Variants in ATP8A2 observed in about 807,000 individuals in gnomAD.
ATP8A2 encodes phospholipid-transporting ATPase IB.
ATP8A2 carries 100 observed loss-of-function variants against 165.6 expected under a neutral mutation model. The ratio of observed to expected loss-of-function variants is 0.60; its 90% CI spans 0.51 to 0.71. The LOEUF (loss-of-function observed/expected upper bound fraction) is 0.71, where lower values mean the gene tolerates loss of function less well. Ranked by LOEUF, ATP8A2 falls within the 30% of genes least tolerant of loss-of-function variation. ATP8A2 has a pLI of 0.00. For missense variants in ATP8A2, 1,227 were observed against 1,479.5 expected, an observed-to-expected ratio of 0.83 and a Z score of 2.80; for synonymous variants, 543 against 548.8, an observed-to-expected ratio of 0.99 and a Z score of 0.15.
At chr13:25,948,160 T>A (rs1955261176) in intron 33 of ATP8A2, among the ~76,000 whole-genome samples, 1 of 152,006 alleles carries the variant, frequency 6.6e-6, no homozygotes, top group Admixed American at 6.6e-5. Flanking sequence ...GCTCAACCCT[T>A]CCACCTCTCT....
At chr13:25,868,227 A>T (rs1952570625) in intron 33 of ATP8A2, 1 of 403,442 alleles carries the variant, frequency 2.5e-6, no homozygotes, top group Non-Finnish European at 5.0e-6. Context: ...TGGTTTAAGG[A>T]GCTGGTAAAA....
chr13:25,870,277 T>C (rs563455429), intron 33 of ATP8A2, among the ~76,000 whole-genome samples: 1 of 152,258 alleles, frequency 6.6e-6, no homozygotes, highest in South Asian at 2.1e-4. Context: ...GGCTAGGGTC[T>C]CGATTTTTGT....
chr13:25,950,259 C>T (rs1220792290), intron 33 of ATP8A2, among the ~76,000 whole-genome samples: 1 of 152,202 alleles, frequency 6.6e-6, no homozygotes, highest in Admixed American at 6.5e-5. Context: ...CCTGTCTTTA[C>T]ATCCAGATAA....
chr13:25,398,530 T>C (rs1406448360), intron 1 of ATP8A2, among the ~76,000 whole-genome samples: 1 of 152,220 alleles, frequency 6.6e-6, no homozygotes, highest in East Asian at 1.9e-4. Context: ...AATTACCCAG[T>C]TGTGATCACT....
At chr13:26,015,345 G>C (rs1956945058) in intron 36 of ATP8A2, among the ~76,000 whole-genome samples, 1 of 152,040 alleles carries the variant, frequency 6.6e-6, no homozygotes, top group Non-Finnish European at 1.5e-5. Context: ...GTTCCGCCTG[G>C]GTCTGTCCAG....
rs142880796 is a variant in ATP8A2, at chr13:25,459,552, T to C, written c.77-9425T>C. On this transcript the variant is annotated intron_variant, in intron 1 of 36. Transcript: ENST00000381655. The stretch of plus-strand genomic sequence containing the variant: ...TGAACACACACATTTTATGGAGTGG[T>C]ATGTCCATGCAAGAAATAATGTGTG... Among the ~76,000 whole-genome samples the C allele has an allele frequency of 8.9e-4, 135 of 152,264 alleles. 1 individual carries two copies. Among genetic ancestry groups the C allele is most frequent in the African/African-American group, 3.2e-3 (132 of 41,538 alleles).
At chr13:25,570,656 T>C (rs2039441229) in intron 16 of ATP8A2, 111 bp from the exon 17 acceptor site, 20 of 854,284 alleles carry the variant, frequency 2.3e-5, no homozygotes, top group Non-Finnish European at 3.7e-5. Flanking sequence ...CTCTACCCTG[T>C]CCTACAGGGA....
intron 33 of ATP8A2, among the ~76,000 whole-genome samples, chr13:25,865,378 A>T (rs1042878265): frequency 4.6e-5 from 7 of 152,216 alleles, no homozygotes; most frequent in African/African-American, 1.7e-4. Flanking sequence ...GAAGTTCTAG[A>T]ATTAAACTAG....
At chr13:25,730,049 G>A (rs2043584311) in intron 25 of ATP8A2, among the ~76,000 whole-genome samples, 1 of 150,386 alleles carries the variant, frequency 6.6e-6, no homozygotes, top group African/African-American at 2.5e-5. Context: ...CCAGGACTTT[G>A]GAGGCCGAGG....
chr13:25,939,280 A>G (rs1312539282), intron 33 of ATP8A2, among the ~76,000 whole-genome samples: 2 of 152,154 alleles, frequency 1.3e-5, no homozygotes, highest in African/African-American at 4.8e-5. Flanking sequence ...TCCAGGTGCT[A>G]AGAGGCAGTG....
In ATP8A2 at chr13:25,531,396, G is replaced by GTT. The variant is rs1566230219; in HGVS notation, c.420+736_420+737insTT. Among the ~76,000 whole-genome samples the GTT allele has an allele frequency of 7.3e-4, 51 of 69,522 alleles. 3 individuals carry two copies. The highest frequency in any genetic ancestry group is 6.5e-3 in the Middle Eastern group (1 of 154). The allele number at this position is 69,522 out of a possible 152,430, so 45.6% of individuals were successfully genotyped here. A position where few individuals can be genotyped will look rare whatever the true frequency, so the allele number is the denominator to read the frequency against. On this transcript the variant is annotated intron_variant, in intron 4 of 36. Transcript: ENST00000381655. ...TATGTTATATATATGATATATATAT[G>GTT]ATTATATATATGATTATATATATGA...
intron 33 of ATP8A2, among the ~76,000 whole-genome samples, chr13:25,925,730 CT>C (rs11299784): frequency 0.8 from 110,357 of 137,248 alleles, 44,259 homozygotes; most frequent in East Asian, 0.98. Flanking sequence ...AGTTGTCAAT[CT>C]TTTTTTTTTT....
rs1193749619 is a variant in ATP8A2 at position 25,616,310 on chromosome 13, T to TTTTC, written c.2211+26627_2211+26630dup. Among the ~76,000 whole-genome samples, 888 of 145,850 alleles carry TTTTC rather than the reference T, an allele frequency of 6.1e-3. 12 individuals carry two copies. Among genetic ancestry groups the TTTTC allele is most frequent in the African/African-American group, 0.016 (608 of 37,848 alleles). ...ATCCTTTAGTGACCACTTAATTTTC[T>TTTTC]TTTCTTTCTTTCTTTCTTTTTTTTT... On this transcript the variant is annotated intron_variant, in intron 24 of 36. Coordinates refer to ENST00000381655, the MANE Select transcript of ATP8A2 (RefSeq NM_016529.6).
intron 33 of ATP8A2, among the ~76,000 whole-genome samples, chr13:25,881,853 A>G (rs929675025): frequency 3.3e-5 from 5 of 152,196 alleles, no homozygotes; most frequent in African/African-American, 1.2e-4. Context: ...ACTAGAGTCT[A>G]CATTTTAACT....
rs1305784602 is a variant in ATP8A2, at chr13:25,579,906, A to G, written c.1966A>G (p.Arg656Gly). ...YQEASTILKD[R>G]AQRLEECYEI... Reference sequence around the variant, plus strand: ...GGAAGCCAGCACCATATTGAAGGACAGAGCTCAACGGTTGGAAGAGTGTTA... The same window carrying G: ...GGAAGCCAGCACCATATTGAAGGACGGAGCTCAACGGTTGGAAGAGTGTTA... Residue 656 changes from arginine to glycine, a missense_variant, in exon 22 of 37, where the codon AGA becomes GGA. Physicochemically the swap from Arg to Gly is moderately radical, Grantham distance 125 (BLOSUM62 -2). Around this residue, in one of 5 missense-constraint regions of ATP8A2, gnomAD observed 592 missense variants for 785.6 expected, o/e 0.75. Transcript: ENST00000381655. The G allele has an allele frequency of 1.2e-6, 2 of 1,614,146 alleles. No individual in the cohort carries two copies. The highest frequency in any genetic ancestry group is 1.1e-5 in the South Asian group (1 of 91,080).
intron 28 of ATP8A2, among the ~76,000 whole-genome samples, chr13:25,833,873 C>A (rs1256921996): frequency 1.3e-5 from 2 of 152,076 alleles, no homozygotes; most frequent in East Asian, 3.9e-4. Context: ...AACCAATAGA[C>A]AAAGAGTGCA....
chr13:25,960,967 T>A (rs1319855547), intron 33 of ATP8A2, among the ~76,000 whole-genome samples: 1 of 152,258 alleles, frequency 6.6e-6, no homozygotes, highest in Non-Finnish European at 1.5e-5. Context: ...GCACATCTCA[T>A]ACTCTGTCGT....
intron 24 of ATP8A2, among the ~76,000 whole-genome samples, chr13:25,646,460 C>G (rs2041673236): frequency 6.6e-6 from 1 of 151,866 alleles, no homozygotes; most frequent in Non-Finnish European, 1.5e-5. Flanking sequence ...TCAAGACGAT[C>G]CTGGCCAAGA....
At position 25,372,754 on chromosome 13, in the gene ATP8A2, G is replaced by A. The variant is rs142495722; in HGVS notation, c.76+466G>A. The stretch of plus-strand genomic sequence containing the variant: ...CAGAGGGGGAAAAAGGCATCCGAAG[G>A]GTCCCTCGAGTGATTCTCACCACTT... On this transcript the variant is annotated intron_variant, in intron 1 of 36. Coordinates refer to ENST00000381655, the MANE Select transcript of ATP8A2 (RefSeq NM_016529.6). The surrounding 1 kb of genome is among the most constrained non-coding windows in gnomAD (Gnocchi z 4.8). Among the ~76,000 whole-genome samples, 922 of 152,318 alleles carry A rather than the reference G, an allele frequency of 6.1e-3. 10 individuals are homozygous for A. Among genetic ancestry groups the A allele is most frequent in the African/African-American group, 0.02 (851 of 41,574 alleles).
Sources: allele counts gnomAD v4.1 joint callset (sites outside exome capture counted in the v4.1 genomes callset), GRCh38; gene constraint gnomAD v4.1.1; regional missense constraint gnomAD v4.1.1; non-coding constraint Gnocchi (gnomAD v3.1); transcripts MANE v1.5; gene names NCBI Gene and HGNC (gene_info 2026-07-23, HGNC 2026-07-21).